The following ZFAND3 variants were observed in gnomAD, a reference collection of about 807,000 sequenced individuals.
The protein encoded by ZFAND3 is AN1-type zinc finger protein 3.
ZFAND3 carries 10 observed loss-of-function variants against 29.6 expected under a neutral mutation model. That is an observed-to-expected ratio of 0.34 (90% CI 0.21 to 0.57). ZFAND3 has a LOEUF of 0.57. Among genes scored for constraint, ZFAND3 ranks in the 20% least tolerant of loss-of-function variants. The pLI is 0.86. For missense variants in ZFAND3, 230 were observed against 304.5 expected, an observed-to-expected ratio of 0.76 and a Z score of 1.82; for synonymous variants, 128 against 112.6, an observed-to-expected ratio of 1.14 and a Z score of -0.87.
chr6:37,976,933 A>G lies in ZFAND3; in HGVS notation c.112+46934A>G, dbSNP rs539573275. On this transcript the variant is annotated intron_variant, in intron 2 of 5. Transcript: ENST00000287218. ...TTGGGTGGGGACACAGAGCCAAACC[A>G]TATCACCAGACAATCATGATGTTTG... Among the ~76,000 whole-genome samples, 4 of 152,262 alleles carry G rather than the reference A, an allele frequency of 2.6e-5. No individual in the cohort carries two copies. In the South Asian group the frequency reaches 8.3e-4, roughly 32 times the overall value.
At chr6:38,007,250 GTGGCTCA>G (rs1763066753) in intron 2 of ZFAND3, among the ~76,000 whole-genome samples, 1 of 152,104 alleles carries the variant, frequency 6.6e-6, no homozygotes. Context: ...TGGATGCTTG[GTGGCTCA>G]TGCCTGTAAT....
chr6:37,868,750 A>G (rs1764635860), intron 1 of ZFAND3, among the ~76,000 whole-genome samples: 1 of 152,184 alleles, frequency 6.6e-6, no homozygotes, highest in South Asian at 2.1e-4. Flanking sequence ...TTTTAAATAT[A>G]TTACTAGACT....
At position 38,130,898 on chromosome 6, in the gene ZFAND3, T is replaced by C. The variant is rs558213717; in HGVS notation, c.529+14159T>C. 5.1e-4 allele frequency among the ~76,000 whole-genome samples: 78 copies of C among 152,330 alleles called. No homozygotes were observed. In the Middle Eastern group the frequency reaches 0.01, roughly 20 times the overall value. ...AATAGGATTAGTACCAACTCTTCTT[T>C]GAATGTCTGGTAGAATTCTGCTGTG... is the stretch of plus-strand genomic sequence containing the variant. On this transcript the variant is annotated intron_variant, in intron 5 of 5. Coordinates refer to ENST00000287218, the MANE Select transcript of ZFAND3 (RefSeq NM_021943.3).
In ZFAND3 at chr6:38,008,860, TA is replaced by T. The variant is rs552760432; in HGVS notation, c.113-52721del. On this transcript the variant is annotated intron_variant, in intron 2 of 5. Transcript: ENST00000287218. ...GATTTGTTCAGTGTGCTGTGATCTG[TA>T]AAAAAAAAAAATCACAATGGGATTT... Among the ~76,000 whole-genome samples, 326 of 145,872 alleles carry T rather than the reference TA, an allele frequency of 2.2e-3. 1 individual carries two copies. The highest frequency in any genetic ancestry group is 3.6e-3 in the Non-Finnish European group (236 of 65,890).
chr6:37,835,012 T>A (rs1341857899), intron 1 of ZFAND3, among the ~76,000 whole-genome samples: 2 of 152,170 alleles, frequency 1.3e-5, no homozygotes, highest in African/African-American at 4.8e-5. Flanking sequence ...GCATTTTTCT[T>A]TTAATTTATA....
At chr6:38,023,656 A>C (rs981741965) in intron 2 of ZFAND3, among the ~76,000 whole-genome samples, 1 of 152,224 alleles carries the variant, frequency 6.6e-6, no homozygotes, top group Non-Finnish European at 1.5e-5. Flanking sequence ...GAAAATATTC[A>C]AATGTAAGAG....
intron 1 of ZFAND3, among the ~76,000 whole-genome samples, chr6:37,854,885 G>A (rs1440715980): frequency 1.4e-5 from 2 of 145,030 alleles, no homozygotes; most frequent in Admixed American, 7.0e-5. Flanking sequence ...AAAAGCTAAA[G>A]CTAATAAGTT....
intron 1 of ZFAND3, among the ~76,000 whole-genome samples, chr6:37,858,718 C>T (rs1764427335): frequency 6.6e-6 from 1 of 152,132 alleles, no homozygotes; most frequent in African/African-American, 2.4e-5. Context: ...TGAGTGAAAC[C>T]TGTTAAACAA....
intron 2 of ZFAND3, among the ~76,000 whole-genome samples, chr6:37,957,386 G>A (rs1487387041): frequency 2.0e-5 from 3 of 150,496 alleles, no homozygotes; most frequent in African/African-American, 7.3e-5. Context: ...TAAATGTCTC[G>A]GAGTCTCAGT....
At chr6:37,824,891 TA>T (rs763016715) in intron 1 of ZFAND3, among the ~76,000 whole-genome samples, 2 of 152,222 alleles carry the variant, frequency 1.3e-5, no homozygotes, top group Non-Finnish European at 1.5e-5. Context: ...GAGATAAGGA[TA>T]GGGGTAATCT....
intron 1 of ZFAND3, among the ~76,000 whole-genome samples, chr6:37,868,717 G>A (rs576335582): frequency 5.9e-5 from 9 of 152,270 alleles, no homozygotes; most frequent in African/African-American, 7.2e-5. Context: ...TGTGATAAAC[G>A]TCACTTGGTC....
intron 1 of ZFAND3, among the ~76,000 whole-genome samples, chr6:37,927,214 T>C (rs1477774217): frequency 6.6e-6 from 1 of 152,184 alleles, no homozygotes; most frequent in Admixed American, 6.5e-5. Flanking sequence ...AAAAAGGCCA[T>C]TTTGCCATTT....
intron 3 of ZFAND3, among the ~76,000 whole-genome samples, chr6:38,081,094 C>A (rs1764651958): frequency 6.6e-6 from 1 of 152,102 alleles, no homozygotes; most frequent in South Asian, 2.1e-4. Context: ...TGGCACTCGG[C>A]CACTTTCTAT....
intron 1 of ZFAND3, among the ~76,000 whole-genome samples, chr6:37,849,238 A>G (rs1433014557): frequency 6.6e-6 from 1 of 152,142 alleles, no homozygotes; most frequent in African/African-American, 2.4e-5. Context: ...TTCTCAAGCG[A>G]GAGCTCCCCT....
At chr6:37,849,759 A>G (rs1455233576) in intron 1 of ZFAND3, among the ~76,000 whole-genome samples, 1 of 152,146 alleles carries the variant, frequency 6.6e-6, no homozygotes, top group Non-Finnish European at 1.5e-5. Flanking sequence ...TAGAGTTGTG[A>G]TAATAGATGG....
At chr6:38,033,416 A>G (rs919121787) in intron 2 of ZFAND3, among the ~76,000 whole-genome samples, 1 of 152,102 alleles carries the variant, frequency 6.6e-6, no homozygotes, top group Non-Finnish European at 1.5e-5. Context: ...TGCACCAGCC[A>G]CTTGTTTGAC....
chr6:37,904,158 A>T (rs556282657), intron 1 of ZFAND3, among the ~76,000 whole-genome samples: 3 of 152,334 alleles, frequency 2.0e-5, no homozygotes, highest in South Asian at 4.1e-4. Context: ...TAAATAGAAT[A>T]AACCATGTTG....
chr6:37,991,187 C>G (rs1376257562), intron 2 of ZFAND3, among the ~76,000 whole-genome samples: 1 of 152,108 alleles, frequency 6.6e-6, no homozygotes, highest in African/African-American at 2.4e-5. Context: ...CGTGTGCTAA[C>G]ATTGGTTTCC....
intron 2 of ZFAND3, among the ~76,000 whole-genome samples, chr6:37,996,901 G>C (rs1409604403): frequency 2.0e-5 from 3 of 152,070 alleles, no homozygotes; most frequent in African/African-American, 7.2e-5. Flanking sequence ...TTTTGGGATT[G>C]TTTTGGTTGT....
Sources: gnomAD v4.1 joint callset for allele counts (sites outside exome capture counted in the v4.1 genomes callset) on GRCh38, gnomAD v4.1.1 for gene constraint, MANE v1.5 for transcripts, NCBI Gene and HGNC (gene_info 2026-07-23, HGNC 2026-07-21) for gene names.